NF1: variants seen among roughly 807,000 people sequenced by gnomAD.
NF1 encodes the protein neurofibromin.
In NF1, 122 loss-of-function variants were observed where a neutral mutation model predicts 325.7. That is an observed-to-expected ratio of 0.37 (90% CI 0.32 to 0.44). The LOEUF is 0.44. NF1 is among the 20% of genes least tolerant of loss of function. The pLI is 1.00. For missense variants in NF1, 2,140 were observed against 3,415.4 expected (o/e 0.63, Z 9.31); for synonymous variants, 1,091 against 1,186.0 (o/e 0.92, Z 1.65).
rs2070722403 is a variant in NF1 at position 31,375,703 on chromosome 17, A to C, written c.*1548A>C. On this transcript the variant is annotated 3_prime_UTR_variant, in exon 58 of 58. Coordinates refer to ENST00000358273, the MANE Select transcript of NF1 (RefSeq NM_001042492.3). ...TCATTAGAGGATTTCAGTAAATTAA[A>C]TTCCACAGCTAATTCAATAAATAAT... is the stretch of plus-strand genomic sequence containing the variant. 1 of 232,784 alleles carries C rather than the reference A, an allele frequency of 4.3e-6. No individual in the cohort carries two copies. The highest frequency in any genetic ancestry group is 5.6e-5 in the Admixed American group (1 of 17,760). The allele number at this position is 232,784 out of a possible 1,614,324, so 14.4% of individuals were successfully genotyped here. A position where few individuals can be genotyped will look rare whatever the true frequency, so the allele number is the denominator to read the frequency against.
At chr17:31,189,689 A>G (rs1944664092) in intron 8 of NF1, among the ~76,000 whole-genome samples, 1 of 150,352 alleles carries the variant, frequency 6.7e-6, no homozygotes, top group Admixed American at 6.6e-5. Context: ...ATGCTTTTTA[A>G]TTTTTTTCTG....
At chr17:31,280,987 G>A (rs932760044) in intron 36 of NF1, among the ~76,000 whole-genome samples, 1 of 152,004 alleles carries the variant, frequency 6.6e-6, no homozygotes, top group East Asian at 1.9e-4. Context: ...AACAGTAAAA[G>A]GAAATATAGA....
At chr17:31,322,045 C>T (rs558955184) in intron 36 of NF1, among the ~76,000 whole-genome samples, 1 of 151,124 alleles carries the variant, frequency 6.6e-6, no homozygotes, top group African/African-American at 2.4e-5. Flanking sequence ...ATCTAGTAAA[C>T]TTAGATTATA....
intron 39 of NF1, among the ~76,000 whole-genome samples, chr17:31,334,252 G>T (rs1306627532): frequency 6.6e-6 from 1 of 151,230 alleles, no homozygotes; most frequent in Non-Finnish European, 1.5e-5. Flanking sequence ...AGCCGAGATC[G>T]CTCCTCTGCA....
chr17:31,105,461 G>A (rs576267447), intron 1 of NF1, among the ~76,000 whole-genome samples: 1 of 152,146 alleles, frequency 6.6e-6, no homozygotes, highest in African/African-American at 2.4e-5. Flanking sequence ...ACAAGCTGTC[G>A]CCTGCCCTTA....
At chr17:31,155,843 C>A in intron 1 of NF1, 140 bp from the exon 2 acceptor site, 2 of 883,584 alleles carry the variant, frequency 2.3e-6, no homozygotes, top group African/African-American at 1.7e-5. Context: ...GATTGAAAAT[C>A]GGAGTTTGAG....
At chr17:31,177,157 T>C (rs1283456472) in intron 5 of NF1, among the ~76,000 whole-genome samples, 1 of 152,188 alleles carries the variant, frequency 6.6e-6, no homozygotes, top group African/African-American at 2.4e-5. Context: ...TTTTTCCGTT[T>C]GTTTGTGTCC....
intron 47 of NF1, among the ~76,000 whole-genome samples, chr17:31,340,902 G>A (rs1329654999): frequency 7.0e-6 from 1 of 143,606 alleles, no homozygotes; most frequent in East Asian, 2.0e-4. Context: ...TAGAATTACA[G>A]AATAAGGATA....
At position 31,356,549 on chromosome 17, in the gene NF1, A is replaced by G. The variant is rs2070275038; in HGVS notation, c.7705A>G (p.Met2569Val). ...MESGITTPPKMRRVAETDYEM... is the reference protein window; with the variant it reads ...MESGITTPPKVRRVAETDYEM... ...ATCAGGGATCACAACACCCCCCAAA[A>G]TGAGGAGAGTAGCAGAAACTGATTA... The change falls in exon 52 of 58, where the codon ATG becomes GTG. Residue 2569 changes from methionine (M) to valine (V), a missense_variant. This residue lies in a region of NF1 where 522 missense variants were observed against 749.0 expected (regional missense o/e 0.70). Coordinates refer to ENST00000358273, the MANE Select transcript of NF1 (RefSeq NM_001042492.3). The G allele has an allele frequency of 6.2e-7, 1 of 1,613,684 alleles. No homozygotes were observed. Among genetic ancestry groups the G allele is most frequent in the Non-Finnish European group, 8.5e-7 (1 of 1,179,710 alleles).
chr17:31,232,922 A>G, intron 26 of NF1, 41 bp downstream of exon 26: 2 of 1,613,670 alleles, frequency 1.2e-6, no homozygotes, highest in South Asian at 1.1e-5. Context: ...TACAAAACCT[A>G]GAGAACTGGC....
At chr17:31,223,334 A>T (rs1029384466) in intron 15 of NF1, 110 bp from the exon 16 acceptor site, 24 of 1,300,510 alleles carry the variant, frequency 1.8e-5, no homozygotes, top group Non-Finnish European at 2.4e-5. Flanking sequence ...AAGAAAAACT[A>T]AGCTTCTCTA....
chr17:31,095,842 C>G, intron 1 of NF1, among the ~76,000 whole-genome samples: 1 of 152,102 alleles, frequency 6.6e-6, no homozygotes, highest in South Asian at 2.1e-4. Context: ...TATATACCCT[C>G]AATAGGAGAA....
At chr17:31,179,833 A>G (rs2066093750) in intron 5 of NF1, among the ~76,000 whole-genome samples, 1 of 152,144 alleles carries the variant, frequency 6.6e-6, no homozygotes, top group Admixed American at 6.5e-5. Flanking sequence ...GAAAAGATCA[A>G]CAAAATAAAT....
chr17:31,318,197 A>G, intron 36 of NF1: 8 of 1,414,020 alleles, frequency 5.7e-6, no homozygotes, highest in South Asian at 1.4e-5. Context: ...TGCAAGGTCT[A>G]CCATGTCAAA....
Position 31,295,458 on chromosome 17 carries a change from G to A in NF1, c.4835+30119G>A, listed in dbSNP as rs371558601. 1.7e-5 allele frequency: 28 copies of A among 1,614,028 alleles called. No individual in the cohort carries two copies. The South Asian group carries it at 1.9e-4, about 11-fold the overall frequency. ...ACTTTGGGTTGAGTTACCACACTCA[G>A]AGAGTTAATGGTGTCCACTGTCTGC... On this transcript the variant is annotated intron_variant, in intron 36 of 57. Transcript: ENST00000358273.
intron 1 of NF1, among the ~76,000 whole-genome samples, chr17:31,100,531 G>A (rs533653663): frequency 1.6e-4 from 24 of 151,790 alleles, no homozygotes; most frequent in Middle Eastern, 3.4e-3. Flanking sequence ...TCTTTGCTTC[G>A]GAATTTTTTA....
At chr17:31,312,568 G>A (rs548475271) in intron 36 of NF1, among the ~76,000 whole-genome samples, 3 of 149,268 alleles carry the variant, frequency 2.0e-5, no homozygotes, top group South Asian at 2.1e-4. Context: ...CACACCATAA[G>A]GATCGATGGG....
At chr17:31,100,633 G>C (rs981690900) in intron 1 of NF1, among the ~76,000 whole-genome samples, 9 of 151,986 alleles carry the variant, frequency 5.9e-5, no homozygotes, top group South Asian at 2.1e-4. Context: ...GCAGTGGCGC[G>C]ATCTCAGCTC....
At chr17:31,310,913 C>T (rs2068855794) in intron 36 of NF1, among the ~76,000 whole-genome samples, 1 of 150,870 alleles carries the variant, frequency 6.6e-6, no homozygotes, top group Non-Finnish European at 1.5e-5. Flanking sequence ...TACAGTGAAG[C>T]AGGAGTCCCC....
Sources: allele counts gnomAD v4.1 joint callset (sites outside exome capture counted in the v4.1 genomes callset), GRCh38; gene constraint gnomAD v4.1.1; regional missense constraint gnomAD v4.1.1; transcripts MANE v1.5; gene names NCBI Gene and HGNC (gene_info 2026-07-23, HGNC 2026-07-21).